Variants in DIAPH2 observed in about 807,000 individuals in gnomAD.
The protein encoded by DIAPH2 is diaphanous related formin 2.
A neutral mutation model predicts 92.7 loss-of-function variants in DIAPH2; 35 were observed. The ratio of observed to expected loss-of-function variants is 0.38; its 90% CI spans 0.29 to 0.50. The LOEUF (loss-of-function observed/expected upper bound fraction) is 0.50. DIAPH2 is among the 20% of genes least tolerant of loss of function. The pLI is 0.94. For synonymous variants in DIAPH2, 301 were observed against 280.4 expected, an observed-to-expected ratio of 1.07 and a Z score of -0.73; for missense variants, 701 against 819.5, an observed-to-expected ratio of 0.86 and a Z score of 1.77.
In DIAPH2 at chrX:97,514,028, C is replaced by T. The variant is rs1249281366; in HGVS notation, c.3241+84283C>T. Reference sequence around the variant, plus strand: ...TCTAGGAGAATCTTTGTGGCGTTCTCTGTATTTCCTGAATCTGAACGTTGG... The same window carrying T: ...TCTAGGAGAATCTTTGTGGCGTTCTTTGTATTTCCTGAATCTGAACGTTGG... On this transcript the variant is annotated intron_variant, in intron 26 of 26. Transcript: ENST00000324765. Among the ~76,000 whole-genome samples the T allele has an allele frequency of 4.5e-4, 48 of 107,324 alleles. 1 individual carries two copies. The highest frequency in any genetic ancestry group is 1.7e-3 in the African/African-American group (46 of 27,776). 93.2% of individuals were successfully genotyped at this position (107,324 alleles called of 115,157 possible).
At chrX:97,368,663 C>G (rs1316968966) in intron 24 of DIAPH2, among the ~76,000 whole-genome samples, 1 of 102,234 alleles carries the variant, frequency 9.8e-6, no homozygotes, top group Non-Finnish European at 2.0e-5. Context: ...TTAACCACAG[C>G]TCTTTTAAAA....
rs770763301 is a variant in DIAPH2 at position 97,448,297 on chromosome X, C to T, written c.3241+18552C>T. 6.2e-5 allele frequency among the ~76,000 whole-genome samples: 7 copies of T among 112,255 alleles called. No individual in the cohort carries two copies. The East Asian group carries it at 1.7e-3, about 27-fold the overall frequency. ...ATTCCAAATTGTTCTACTCTTCTAA[C>T]TCCTTTAATAATGTCAAGATTTTGT... On this transcript the variant is annotated intron_variant, in intron 26 of 26. Transcript: ENST00000324765.
intron 8 of DIAPH2, among the ~76,000 whole-genome samples, chrX:96,917,045 C>A (rs763589618): frequency 9.0e-6 from 1 of 111,027 alleles, no homozygotes; most frequent in Non-Finnish European, 1.9e-5. Flanking sequence ...TAGAAAAAAA[C>A]GGTTGTTGAT....
At chrX:97,020,861 A>G (rs1038773856) in intron 17 of DIAPH2, among the ~76,000 whole-genome samples, 2 of 112,192 alleles carry the variant, frequency 1.8e-5, no homozygotes, top group African/African-American at 6.5e-5. Context: ...TTTGGACTGC[A>G]GTTGACCATG....
chrX:97,482,109 A>C (rs992860631), intron 26 of DIAPH2, among the ~76,000 whole-genome samples: 1 of 112,414 alleles, frequency 8.9e-6, no homozygotes, highest in African/African-American at 3.2e-5. Flanking sequence ...GTATACTAGA[A>C]ATTGCAGACA....
At chrX:97,234,574 G>T (rs1296562408) in intron 22 of DIAPH2, among the ~76,000 whole-genome samples, 1 of 111,571 alleles carries the variant, frequency 9.0e-6, no homozygotes, top group Non-Finnish European at 1.9e-5. Flanking sequence ...CCTGTCACAA[G>T]GACTCAGGAC....
chrX:97,337,190 A>G (rs2069071252), intron 23 of DIAPH2, among the ~76,000 whole-genome samples: 1 of 108,743 alleles, frequency 9.2e-6, no homozygotes, highest in Non-Finnish European at 1.9e-5. Context: ...CACTAAGAAA[A>G]TGGCTACTCC....
chrX:96,851,521 T>C (rs1255064588), intron 4 of DIAPH2, among the ~76,000 whole-genome samples: 5 of 112,194 alleles, frequency 4.5e-5, no homozygotes, highest in African/African-American at 9.7e-5. Context: ...ATATAACCTG[T>C]GCACATCTTC....
At chrX:97,262,833 A>T (rs1388479446) in intron 23 of DIAPH2, among the ~76,000 whole-genome samples, 1 of 111,801 alleles carries the variant, frequency 8.9e-6, no homozygotes, top group East Asian at 2.8e-4. Flanking sequence ...AGGTCCAAGG[A>T]CTCAGGTCTG....
chrX:96,963,774 T>C (rs974096955), intron 16 of DIAPH2, among the ~76,000 whole-genome samples: 1 of 111,438 alleles, frequency 9.0e-6, no homozygotes, highest in Non-Finnish European at 1.9e-5. Flanking sequence ...TTTTTTGGCC[T>C]TTTATGGAGG....
At chrX:96,705,989 G>T in intron 1 of DIAPH2, among the ~76,000 whole-genome samples, 1 of 112,567 alleles carries the variant, frequency 8.9e-6, no homozygotes, top group South Asian at 3.7e-4. Context: ...CTGGCCCATA[G>T]ATTTGTTTGG....
chrX:97,083,927 A>G lies in DIAPH2; in HGVS notation c.2247+8666A>G, dbSNP rs1166798938. On this transcript the variant is annotated intron_variant, in intron 19 of 26. Transcript: ENST00000324765. ...GCATTCCTGTTACGTTGCAAATACC[A>G]CTAGTCAAGCATTGCTTAAAGTACA... Among the ~76,000 whole-genome samples, 5 of 111,210 alleles carry G rather than the reference A, an allele frequency of 4.5e-5. No individual in the cohort carries two copies. In the East Asian group the frequency reaches 1.4e-3, roughly 31 times the overall value.
intron 25 of DIAPH2, among the ~76,000 whole-genome samples, chrX:97,424,877 G>A (rs1227457951): frequency 2.3e-4 from 26 of 111,238 alleles, no homozygotes; most frequent in African/African-American, 8.2e-4. Flanking sequence ...CTCCCACCTT[G>A]GCCTGCCAAA....
intron 1 of DIAPH2, among the ~76,000 whole-genome samples, chrX:96,713,485 A>C (rs931023109): frequency 2.7e-5 from 3 of 111,611 alleles, no homozygotes; most frequent in African/African-American, 9.8e-5. Flanking sequence ...CAAGGAACTT[A>C]TGTTGACACA....
At chrX:96,967,701 C>A (rs1381758472) in intron 17 of DIAPH2, among the ~76,000 whole-genome samples, 2 of 110,757 alleles carry the variant, frequency 1.8e-5, no homozygotes, top group Non-Finnish European at 3.8e-5. Flanking sequence ...ACAGGCGTGA[C>A]CCACCATGCC....
At chrX:96,848,619 CT>C (rs1024158545) in intron 4 of DIAPH2, among the ~76,000 whole-genome samples, 1 of 111,689 alleles carries the variant, frequency 9.0e-6, no homozygotes, top group Admixed American at 9.5e-5. Flanking sequence ...AGCAATGGCA[CT>C]TTTTTTGTTG....
chrX:97,349,962 G>C (rs1461671455), intron 24 of DIAPH2, among the ~76,000 whole-genome samples: 1 of 111,909 alleles, frequency 8.9e-6, no homozygotes, highest in Admixed American at 9.5e-5. Context: ...ACACTGAAAT[G>C]ATAAATCCAA....
intron 1 of DIAPH2, among the ~76,000 whole-genome samples, chrX:96,717,816 GTATATA>G (rs61272505): frequency 0.2 from 7,285 of 36,187 alleles, 707 homozygotes; most frequent in Non-Finnish European, 0.24. Flanking sequence ...TGGGTATATA[GTATATA>G]TATATATATA....
intron 1 of DIAPH2, among the ~76,000 whole-genome samples, chrX:96,717,493 A>C (rs1602449627): frequency 9.9e-6 from 1 of 100,788 alleles, no homozygotes; most frequent in Admixed American, 1.1e-4. Context: ...CCGATAATTG[A>C]CCCCTTTGTC....
Sources: allele counts gnomAD v4.1 joint callset (sites outside exome capture counted in the v4.1 genomes callset), GRCh38; gene constraint gnomAD v4.1.1; transcripts MANE v1.5; gene names NCBI Gene and HGNC (gene_info 2026-07-23, HGNC 2026-07-21).